EVC2: variants seen among roughly 807,000 people sequenced by gnomAD.
EVC2 encodes EvC ciliary complex subunit 2.
In EVC2, 148 loss-of-function variants were observed where a neutral mutation model predicts 149.3. That is an observed-to-expected ratio of 0.99 (90% confidence interval 0.87 to 1.14). The LOEUF is 1.14. EVC2 is among the 50% of genes most tolerant of loss of function. The probability of loss-of-function intolerance (pLI) is 0.00; values close to 1 mark genes in which losing one functional copy is unlikely to be tolerated. For missense variants in EVC2, 1,854 were observed against 1,627.3 expected (o/e 1.14, Z -2.40); for synonymous variants, 776 against 649.9 (o/e 1.19, Z -2.95).
chr4:5,640,186 G>C lies in EVC2; in HGVS notation c.1470+328C>G, dbSNP rs978427723. 6.6e-6 allele frequency among the ~76,000 whole-genome samples: 1 copy of C among 151,964 alleles called. No homozygotes were observed. The highest frequency in any genetic ancestry group is 1.5e-5 in the Non-Finnish European group (1 of 67,982). ...GGATGGGAGGGTGGATAAATGAGTA[G>C]GTGGATGAACAGACAGATGGATGTG... On this transcript the variant is annotated intron_variant, in intron 10 of 21. Coordinates refer to ENST00000344408, the MANE Select transcript of EVC2 (RefSeq NM_147127.5). The surrounding 1 kb of genome is among the most constrained non-coding windows in gnomAD (Gnocchi z 4.6).
In EVC2 at chr4:5,595,599, A is replaced by G. The variant is rs578141142; in HGVS notation, c.2830-10749T>C. 5.1e-4 allele frequency among the ~76,000 whole-genome samples: 77 copies of G among 152,340 alleles called. 1 individual carries two copies. Among genetic ancestry groups the G allele is most frequent in the Admixed American group, 1.7e-3 (26 of 15,302 alleles). On this transcript the variant is annotated intron_variant, in intron 16 of 21. Coordinates refer to ENST00000344408, the MANE Select transcript of EVC2 (RefSeq NM_147127.5). ...AACATGGAAAGGAACAACTGGTACCAGCCACTGCAAAATCAAGCCAAATTG... is the reference window on the plus strand; with the variant it reads ...AACATGGAAAGGAACAACTGGTACCGGCCACTGCAAAATCAAGCCAAATTG...
chr4:5,663,429 G>C (rs530358810), intron 8 of EVC2, among the ~76,000 whole-genome samples, 183 bp from the exon 9 acceptor site: 9 of 152,186 alleles, frequency 5.9e-5, no homozygotes, highest in Non-Finnish European at 7.3e-5. Flanking sequence ...TCTCTGCAAA[G>C]AAATGGGATC....
At chr4:5,663,047 T>A in intron 9 of EVC2, 60 bp downstream of exon 9, 1 of 1,607,008 alleles carries the variant, frequency 6.2e-7, no homozygotes. Context: ...TGGCCTTATG[T>A]CACTGTCGTT....
Position 5,625,307 on chromosome 4 carries a change from TACACACACACACAC to T in EVC2, c.2046+428_2046+441del, listed in dbSNP as rs71171407. ...CTTACTAGATATTTGACCTTGACCA[TACACACACACACAC>T]ACACACACACACACACACACACACA... is the stretch of plus-strand genomic sequence containing the variant. On this transcript the variant is annotated intron_variant, in intron 13 of 21. Transcript: ENST00000344408. The surrounding 1 kb of genome is among the most constrained non-coding windows in gnomAD (Gnocchi z 4.0). Among the ~76,000 whole-genome samples, 567 of 139,882 alleles carry T rather than the reference TACACACACACACAC, an allele frequency of 4.1e-3. 4 individuals carry two copies. The highest frequency in any genetic ancestry group is 0.014 in the African/African-American group (524 of 38,638). 91.8% of individuals were successfully genotyped at this position (139,882 alleles called of 152,430 possible).
chr4:5,699,661 A>G (rs147516478), intron 1 of EVC2, among the ~76,000 whole-genome samples: 10,639 of 150,412 alleles, frequency 0.071, 529 homozygotes, highest in East Asian at 0.23. Context: ...AAAAAAAAGA[A>G]AAAAAGAAAA....
Position 5,574,731 on chromosome 4 carries a change from A to C in EVC2, c.3314T>G (p.Leu1105Trp), listed in dbSNP as rs745789473. 4.3e-6 allele frequency: 7 copies of C among 1,614,086 alleles called. No homozygotes were observed. The Admixed American group carries it at 1.2e-4, about 27-fold the overall frequency. The change falls in exon 19 of 22, where the codon TTG (leucine) becomes TGG (tryptophan). Residue 1105 changes from leucine (L) to tryptophan (W), a missense_variant. Transcript: ENST00000344408. ...GGTGTCTGCCTCCATGTTTTCCAAC[A>C]AGTCTTCTAGCACGACACTGTTCTG... ...EQQNSVVLEDLLENMEADTFA... is the reference protein window; with the variant it reads ...EQQNSVVLEDWLENMEADTFA...
downstream of EVC2, among the ~76,000 whole-genome samples, chr4:5,561,568 G>A (rs1277261537): frequency 1.3e-5 from 2 of 152,230 alleles, no homozygotes; most frequent in East Asian, 1.9e-4. Context: ...TTGGGGTGCT[G>A]CATGCATGCT....
chr4:5,570,843 A>C (rs1722601111), intron 19 of EVC2, among the ~76,000 whole-genome samples: 1 of 152,210 alleles, frequency 6.6e-6, no homozygotes. Context: ...TGGCCTTTGC[A>C]GCAACTTGGA....
downstream of EVC2, among the ~76,000 whole-genome samples, chr4:5,557,838 G>A (rs1366481666): frequency 2.6e-5 from 4 of 152,024 alleles, no homozygotes; most frequent in African/African-American, 9.7e-5. Flanking sequence ...TATAATTTAG[G>A]TTTAAATCTA....
At chr4:5,620,428 G>A (rs772538823) in intron 14 of EVC2, among the ~76,000 whole-genome samples, 5 of 152,172 alleles carry the variant, frequency 3.3e-5, no homozygotes, top group African/African-American at 9.7e-5. Context: ...AGGAACTTCC[G>A]AAAGAAGGCT....
At chr4:5,609,545 C>T (rs925014064) in intron 16 of EVC2, among the ~76,000 whole-genome samples, 2 of 152,126 alleles carry the variant, frequency 1.3e-5, no homozygotes, top group Admixed American at 6.5e-5. Flanking sequence ...CTTTGTGAGG[C>T]CTGGATCACG....
chr4:5,673,253 A>C (rs1171922401), intron 7 of EVC2, among the ~76,000 whole-genome samples: 1 of 152,246 alleles, frequency 6.6e-6, no homozygotes, highest in Non-Finnish European at 1.5e-5. Flanking sequence ...ACAGATCAGG[A>C]GACACAGTCA....
chr4:5,594,569 C>G (rs532394910), intron 16 of EVC2, among the ~76,000 whole-genome samples: 1 of 152,306 alleles, frequency 6.6e-6, no homozygotes, highest in South Asian at 2.1e-4. Flanking sequence ...AAAAACCCAT[C>G]TGTACATCAC....
chr4:5,633,095 T>C lies in EVC2; in HGVS notation c.1471-1063A>G, dbSNP rs998630849. ...ACTCCTTAAAAGAAGCATTGGAGCCTTCCTAAAGAGAGAGACCCTCTCCTG... is the reference window on the plus strand; with the variant it reads ...ACTCCTTAAAAGAAGCATTGGAGCCCTCCTAAAGAGAGAGACCCTCTCCTG... On this transcript the variant is annotated intron_variant, in intron 10 of 21. Transcript: ENST00000344408. The surrounding 1 kb of genome is among the most constrained non-coding windows in gnomAD (Gnocchi z 4.4). Among the ~76,000 whole-genome samples, 13 of 152,180 alleles carry C rather than the reference T, an allele frequency of 8.5e-5. No individual in the cohort carries two copies. The highest frequency in any genetic ancestry group is 3.1e-4 in the African/African-American group (13 of 41,432).
intron 9 of EVC2, among the ~76,000 whole-genome samples, chr4:5,661,672 C>T (rs543824136): frequency 1.6e-4 from 24 of 152,280 alleles, no homozygotes; most frequent in South Asian, 4.1e-4. Context: ...AAAGAAGGAA[C>T]GACAAGGCCA....
At chr4:5,597,450 G>T (rs1049395184) in intron 16 of EVC2, among the ~76,000 whole-genome samples, 2 of 151,806 alleles carry the variant, frequency 1.3e-5, no homozygotes, top group East Asian at 3.9e-4. Flanking sequence ...CATATAAACA[G>T]AACCAAAGAC....
chr4:5,689,320 C>T lies in EVC2; in HGVS notation c.543G>A (p.Gln181=). 1 of 1,614,130 alleles carries T rather than the reference C, an allele frequency of 6.2e-7. No individual in the cohort carries two copies. Among genetic ancestry groups the T allele is most frequent in the Non-Finnish European group, 8.5e-7 (1 of 1,180,040 alleles). ...CALVSGSSEA[Q]TARIWLLVNN... is the part of the protein sequence containing the mutation. The stretch of plus-strand genomic sequence containing the variant: ...TAACAAGCAGCCATATGCGGGCTGT[C>T]TGTGCTTCACTCGACCCAGACACCT... The change falls in exon 5 of 22, where the codon CAG becomes CAA. Residue 181 remains glutamine, a synonymous_variant. Coordinates refer to ENST00000344408, the MANE Select transcript of EVC2 (RefSeq NM_147127.5).
At chr4:5,693,911 A>T (rs1302064986) in intron 3 of EVC2, among the ~76,000 whole-genome samples, 1 of 152,220 alleles carries the variant, frequency 6.6e-6, no homozygotes, top group Non-Finnish European at 1.5e-5. Context: ...TAAAAATATT[A>T]CTGTTTAAGA....
intron 9 of EVC2, among the ~76,000 whole-genome samples, chr4:5,661,431 G>T (rs939574419): frequency 1.3e-5 from 2 of 152,002 alleles, no homozygotes; most frequent in African/African-American, 4.8e-5. Context: ...ACAATGTCTA[G>T]CACATAATCA....
Sources: gnomAD v4.1 joint callset for allele counts (sites outside exome capture counted in the v4.1 genomes callset) on GRCh38, gnomAD v4.1.1 for gene constraint, Gnocchi (gnomAD v3.1) non-coding constraint, MANE v1.5 for transcripts, NCBI Gene and HGNC (gene_info 2026-07-23, HGNC 2026-07-21) for gene names.